CPNE3: variants seen among roughly 807,000 people sequenced by gnomAD.
CPNE3 encodes the protein copine 3.
Under a neutral mutation model 63.9 loss-of-function variants are expected in CPNE3, and 68 were observed. The ratio of observed to expected loss-of-function variants is 1.06; its 90% CI spans 0.87 to 1.30. The LOEUF is 1.30. Among genes scored for constraint, CPNE3 ranks in the 50% most tolerant of loss-of-function variants. The probability of loss-of-function intolerance (pLI) is 0.00; values close to 1 mark genes in which losing one functional copy is unlikely to be tolerated. For missense variants in CPNE3, 665 were observed against 578.1 expected (o/e 1.15, Z -1.54); for synonymous variants, 219 against 197.5 (o/e 1.11, Z -0.91).
At chr8:86,536,837 T>G (rs1353278784) in intron 6 of CPNE3, among the ~76,000 whole-genome samples, 1 of 152,192 alleles carries the variant, frequency 6.6e-6, no homozygotes, top group Non-Finnish European at 1.5e-5. Flanking sequence ...CTGAATTTTA[T>G]CTCTCTGTAT....
intron 10 of CPNE3, chr8:86,547,444 C>T: frequency 3.1e-6 from 1 of 327,654 alleles, no homozygotes; most frequent in Non-Finnish European, 5.6e-6. Context: ...GGATTCATTA[C>T]TAATATCTTA....
In CPNE3 at chr8:86,529,068, A is replaced by G. The variant is rs749541586; in HGVS notation, c.256A>G (p.Thr86Ala). The G allele has an allele frequency of 6.2e-7, 1 of 1,614,022 alleles. No individual in the cohort carries two copies. Among genetic ancestry groups the G allele is most frequent in the South Asian group, 1.1e-5 (1 of 91,078 alleles). Residue 86 changes from threonine to alanine, a missense_variant, in exon 4 of 17, where the codon ACT becomes GCT. Coordinates refer to ENST00000517490, the MANE Select transcript of CPNE3 (RefSeq NM_003909.5). ...KFGVYDIDNK[T>A]IELSDDDFLG... ...TGGGGTTTATGACATCGACAACAAA[A>G]CTATTGAGCTGAGTGATGATGACTT...
Position 86,554,962 on chromosome 8 carries a change from C to G in CPNE3, c.1232C>G (p.Ala411Gly), listed in dbSNP as rs1282763916. ...CACGTGGCCAGGTTTGCTGCTGCAG[C>G]CACGCAACAGCAGACAGCTTCTGTA... ...INHVARFAAA[A>G]TQQQTASQYF... The change falls in exon 15 of 17, where the codon GCC becomes GGC. Residue 411 changes from alanine to glycine, a missense_variant. Physicochemically the swap from Ala to Gly is moderately conservative, Grantham distance 60. Coordinates refer to ENST00000517490, the MANE Select transcript of CPNE3 (RefSeq NM_003909.5). The G allele has an allele frequency of 1.2e-6, 2 of 1,614,112 alleles. No individual in the cohort carries two copies. Among genetic ancestry groups the G allele is most frequent in the East Asian group, 2.2e-5 (1 of 44,876 alleles).
At chr8:86,555,024 T>A in intron 15 of CPNE3, 40 bp downstream of exon 15, 1 of 1,611,256 alleles carries the variant, frequency 6.2e-7, no homozygotes, top group Non-Finnish European at 8.5e-7. Context: ...GAATGTGGAT[T>A]GGTAGCAGCT....
chr8:86,529,709 G>A (rs1197245791), intron 4 of CPNE3, among the ~76,000 whole-genome samples: 1 of 152,146 alleles, frequency 6.6e-6, no homozygotes, highest in African/African-American at 2.4e-5. Flanking sequence ...TCAGGGTAGG[G>A]ACGTGTCTCA....
chr8:86,555,009 G>T (rs571466847), intron 15 of CPNE3, 25 bp downstream of exon 15: 23 of 1,613,256 alleles, frequency 1.4e-5, no homozygotes, highest in African/African-American at 9.3e-5. Flanking sequence ...GCCAGGGAAT[G>T]GGAAGAATGT....
chr8:86,520,949 TTTTTG>T (rs1334849647), intron 2 of CPNE3, among the ~76,000 whole-genome samples: 2 of 152,156 alleles, frequency 1.3e-5, no homozygotes, highest in Admixed American at 6.6e-5. Context: ...TTTTGTTTCT[TTTTTG>T]TTTTGTTTTA....
chr8:86,532,524 A>G lies in CPNE3; in HGVS notation c.403A>G (p.Ile135Val). ...KGSITISAEE[I>V]KDNRVVLFEM... is the part of the protein sequence containing the mutation. ...CTACTCATAGATTTCAGCTGAAGAA[A>G]TAAAAGATAATAGAGTGGTCTTGTT... is the stretch of plus-strand genomic sequence containing the variant. Residue 135 changes from isoleucine to valine, a missense_variant, in exon 6 of 17, where the codon ATA becomes GTA. Ile to Val is a conservative substitution (Grantham distance 29). Coordinates refer to ENST00000517490, the MANE Select transcript of CPNE3 (RefSeq NM_003909.5). The G allele has an allele frequency of 1.2e-6, 2 of 1,612,284 alleles. No individual in the cohort carries two copies. The highest frequency in any genetic ancestry group is 1.7e-6 in the Non-Finnish European group (2 of 1,179,276).
chr8:86,546,167 T>C (rs1340034360), intron 9 of CPNE3, among the ~76,000 whole-genome samples: 2 of 152,170 alleles, frequency 1.3e-5, no homozygotes, highest in South Asian at 2.1e-4. Flanking sequence ...ATGATGTTAT[T>C]TTTTTTTCTT....
At chr8:86,521,142 G>T (rs1446792172) in intron 2 of CPNE3, among the ~76,000 whole-genome samples, 2 of 152,136 alleles carry the variant, frequency 1.3e-5, no homozygotes, top group Non-Finnish European at 2.9e-5. Flanking sequence ...ATATTCCTGA[G>T]AATAAATGTT....
chr8:86,555,094 A>G, intron 15 of CPNE3, 110 bp downstream of exon 15: 6 of 1,437,910 alleles, frequency 4.2e-6, no homozygotes, highest in Non-Finnish European at 4.6e-6. Context: ...GCAAGATACA[A>G]TAACACAGTC....
rs1821010548 is a variant in CPNE3, at chr8:86,544,729, T to G, written c.634-11T>G. Reference sequence around the variant, plus strand: ...TTGATTTTTATATATTTTTATTATATTTAATTTCAGGTGGAGTGTTATGAT... The same window carrying G: ...TTGATTTTTATATATTTTTATTATAGTTAATTTCAGGTGGAGTGTTATGAT... On this transcript the variant is annotated splice_polypyrimidine_tract_variant and intron_variant, in intron 8 of 16. Transcript: ENST00000517490. 7.6e-7 allele frequency: 1 copy of G among 1,323,410 alleles called. No homozygotes were observed. 82.0% of individuals were successfully genotyped at this position (1,323,410 alleles called of 1,614,324 possible). A position where few individuals can be genotyped will look rare whatever the true frequency, so the allele number is the denominator to read the frequency against.
chr8:86,526,572 G>T (rs1820546205), intron 2 of CPNE3, among the ~76,000 whole-genome samples: 1 of 151,940 alleles, frequency 6.6e-6, no homozygotes, highest in Non-Finnish European at 1.5e-5. Flanking sequence ...GAGTGCAGTG[G>T]CATGATCTTG....
chr8:86,537,673 G>A, intron 7 of CPNE3, 27 bp downstream of exon 7: 1 of 1,252,572 alleles, frequency 8.0e-7, no homozygotes, highest in East Asian at 2.3e-5. Context: ...GAAAAGCAGA[G>A]TGGAGGTGTT....
intron 12 of CPNE3, among the ~76,000 whole-genome samples, chr8:86,550,156 A>G (rs1268506667): frequency 2.0e-5 from 3 of 152,222 alleles, no homozygotes; most frequent in Admixed American, 1.3e-4. Flanking sequence ...AAAATCATGC[A>G]GCTTTTTTGT....
At chr8:86,530,491 T>G (rs1174956893) in intron 4 of CPNE3, among the ~76,000 whole-genome samples, 3 of 151,612 alleles carry the variant, frequency 2.0e-5, no homozygotes, top group Non-Finnish European at 4.4e-5. Flanking sequence ...TTATTGAGTG[T>G]TCTGAAGCCC....
intron 9 of CPNE3, among the ~76,000 whole-genome samples, chr8:86,546,166 T>A (rs1821045842): frequency 6.6e-6 from 1 of 151,566 alleles, no homozygotes; most frequent in Admixed American, 6.6e-5. Flanking sequence ...TATGATGTTA[T>A]TTTTTTTTCT....
At chr8:86,521,239 A>C (rs1037307778) in intron 2 of CPNE3, among the ~76,000 whole-genome samples, 5 of 152,196 alleles carry the variant, frequency 3.3e-5, no homozygotes, top group African/African-American at 1.2e-4. Context: ...TTGCTTTCTT[A>C]GCCTTAAGTA....
chr8:86,518,762 TA>T (rs113513136), intron 2 of CPNE3, among the ~76,000 whole-genome samples: 34,554 of 151,576 alleles, frequency 0.23, 4,151 homozygotes, highest in Non-Finnish European at 0.27. Context: ...CCTTCTTTTT[TA>T]AAAAAAAATA....
Sources: gnomAD v4.1 joint callset for allele counts (sites outside exome capture counted in the v4.1 genomes callset) on GRCh38, gnomAD v4.1.1 for gene constraint, MANE v1.5 for transcripts, NCBI Gene and HGNC (gene_info 2026-07-23, HGNC 2026-07-21) for gene names.